The following TMOD2 variants were observed in gnomAD, a reference collection of about 807,000 sequenced individuals.
TMOD2 encodes tropomodulin 2.
In TMOD2, 22 loss-of-function variants were observed where a neutral mutation model predicts 39.9. The ratio of observed to expected loss-of-function variants is 0.55; its 90% CI spans 0.39 to 0.79. The LOEUF (loss-of-function observed/expected upper bound fraction) is 0.79, where lower values mean the gene tolerates loss of function less well. Among genes scored for constraint, TMOD2 ranks in the 30% least tolerant of loss-of-function variants. The probability of loss-of-function intolerance (pLI) is 0.00; values close to 1 mark genes in which losing one functional copy is unlikely to be tolerated. For missense variants in TMOD2, 386 were observed against 413.3 expected (o/e 0.93, Z 0.57); for synonymous variants, 123 against 146.1 (o/e 0.84, Z 1.14).
At chr15:51,799,556 G>A (rs1323199822) in intron 8 of TMOD2, among the ~76,000 whole-genome samples, 3 of 152,156 alleles carry the variant, frequency 2.0e-5, no homozygotes, top group African/African-American at 4.8e-5. Flanking sequence ...TTTTACATTC[G>A]CATCCTGCCA....
At chr15:51,806,633 C>G (rs371452431) in intron 9 of TMOD2, 112 bp downstream of exon 9, 2 of 1,223,158 alleles carry the variant, frequency 1.6e-6, no homozygotes, top group Non-Finnish European at 2.3e-6. Flanking sequence ...TGATGTCACT[C>G]ACTTCTTCAT....
intron 9 of TMOD2, 138 bp from the exon 10 acceptor site, chr15:51,808,282 C>T: frequency 3.4e-6 from 2 of 593,504 alleles, no homozygotes; most frequent in Admixed American, 6.5e-5. Context: ...CATTGATTGT[C>T]ATGGTTAAGT....
intron 7 of TMOD2, among the ~76,000 whole-genome samples, chr15:51,797,503 C>T (rs16964523): frequency 0.035 from 5,342 of 152,264 alleles, 188 homozygotes; most frequent in Admixed American, 0.078. Flanking sequence ...TTCAGCAATT[C>T]CTCAAGATAA....
intron 5 of TMOD2, among the ~76,000 whole-genome samples, chr15:51,780,443 G>T (rs1196867997): frequency 1.3e-5 from 2 of 152,110 alleles, no homozygotes; most frequent in East Asian, 3.9e-4. Context: ...CGTATTATTG[G>T]TTCATTTTTA....
chr15:51,779,298 G>A (rs1005019625), intron 5 of TMOD2, among the ~76,000 whole-genome samples: 2 of 152,064 alleles, frequency 1.3e-5, no homozygotes, highest in Non-Finnish European at 2.9e-5. Flanking sequence ...ACGTTTATAC[G>A]TACACATACA....
intron 4 of TMOD2, among the ~76,000 whole-genome samples, chr15:51,775,778 A>G (rs759227146): frequency 2.0e-5 from 3 of 151,816 alleles, no homozygotes; most frequent in Admixed American, 6.6e-5. Context: ...GGGCTTCGCC[A>G]TGTTGGCCAG....
intron 9 of TMOD2, among the ~76,000 whole-genome samples, chr15:51,807,658 C>T (rs1186947569): frequency 2.0e-5 from 3 of 152,172 alleles, no homozygotes; most frequent in Non-Finnish European, 2.9e-5. Context: ...GGGCAGCCTA[C>T]GTCCAAGAAG....
rs2056180347 is a variant in TMOD2 at position 51,815,084 on chromosome 15, A to T, written c.*6630A>T. ...CAAGACCAGCCTGGCCAACATGGTG[A>T]AACCCCGTCTCTACTAAAAATACAG... On this transcript the variant is annotated 3_prime_UTR_variant, in exon 10 of 10. Coordinates refer to ENST00000249700, the MANE Select transcript of TMOD2 (RefSeq NM_014548.4). 6.6e-6 allele frequency: 1 copy of T among 152,268 alleles called. No individual in the cohort carries two copies. The highest frequency in any genetic ancestry group is 1.5e-5 in the Non-Finnish European group (1 of 68,106). 9.4% of individuals were successfully genotyped at this position (152,268 alleles called of 1,614,324 possible).
intron 3 of TMOD2, among the ~76,000 whole-genome samples, chr15:51,772,274 A>G (rs2055858764): frequency 6.6e-6 from 1 of 152,190 alleles, no homozygotes; most frequent in Admixed American, 6.5e-5. Context: ...GAAGAGAACA[A>G]TTTCAAAGAC....
rs774520833 is a variant in TMOD2, at chr15:51,776,997, G to A, written c.472G>A (p.Gly158Ser). 4 of 1,613,834 alleles carry A rather than the reference G, an allele frequency of 2.5e-6. No individual in the cohort carries two copies. The highest frequency in any genetic ancestry group is 4.5e-5 in the East Asian group (2 of 44,876). Residue 158 changes from glycine (G) to serine (S), a missense_variant, in exon 5 of 10, where the codon GGT becomes AGT. Coordinates refer to ENST00000249700, the MANE Select transcript of TMOD2 (RefSeq NM_014548.4). ...CGATGAAGAAACAGCCAACAATAAAGGTGGCAAAGGACCTGTCAGAAGTAA... is the reference window on the plus strand; with the variant it reads ...CGATGAAGAAACAGCCAACAATAAAAGTGGCAAAGGACCTGTCAGAAGTAA... ...KFDEETANNK[G>S]GKGPVRNVVK...
chr15:51,755,932 G>A lies in TMOD2; in HGVS notation c.-70+4220G>A, dbSNP rs76062051. 6.7e-3 allele frequency among the ~76,000 whole-genome samples: 1,021 copies of A among 152,092 alleles called. 23 individuals carry two copies. The East Asian group carries it at 0.075, about 11-fold the overall frequency. On this transcript the variant is annotated intron_variant, in intron 1 of 9. Transcript: ENST00000249700. Reference sequence around the variant, plus strand: ...AAGCAGGAAACCCGGTGCCAATCAGGAAGTTAGAAGAAGCCCATAAGTTCC... The same window carrying A: ...AAGCAGGAAACCCGGTGCCAATCAGAAAGTTAGAAGAAGCCCATAAGTTCC...
chr15:51,778,607 G>A (rs1168140982), intron 5 of TMOD2, among the ~76,000 whole-genome samples: 2 of 143,106 alleles, frequency 1.4e-5, no homozygotes, highest in Non-Finnish European at 3.0e-5. Flanking sequence ...AGTACAGTGT[G>A]ATCCATGTGC....
At chr15:51,754,060 C>T (rs998713797) in intron 1 of TMOD2, among the ~76,000 whole-genome samples, 11 of 150,880 alleles carry the variant, frequency 7.3e-5, no homozygotes, top group African/African-American at 2.0e-4. Flanking sequence ...GTGGGGGGGA[C>T]GGGGGGTTGG....
chr15:51,777,112 C>G (rs2055895057), intron 5 of TMOD2, 94 bp downstream of exon 5: 9 of 1,032,696 alleles, frequency 8.7e-6, no homozygotes, highest in Non-Finnish European at 1.2e-5. Context: ...AGGCTTTACA[C>G]TCTGTCATTT....
chr15:51,804,448 T>A (rs1157092171), intron 8 of TMOD2, among the ~76,000 whole-genome samples: 1 of 152,240 alleles, frequency 6.6e-6, no homozygotes, highest in Non-Finnish European at 1.5e-5. Context: ...GAACACTACA[T>A]ACTGCATGCC....
At chr15:51,776,787 A>G (rs1269491087) in intron 4 of TMOD2, 145 bp from the exon 5 acceptor site, 3 of 631,086 alleles carry the variant, frequency 4.8e-6, no homozygotes, top group Admixed American at 4.9e-5. Context: ...TTAACGCTAT[A>G]CATGTACCAC....
Position 51,768,251 on chromosome 15 carries a change from T to C in TMOD2, c.127-11T>C. 6.2e-7 allele frequency: 1 copy of C among 1,614,032 alleles called. No homozygotes were observed. The highest frequency in any genetic ancestry group is 8.5e-7 in the Non-Finnish European group (1 of 1,179,916). On this transcript the variant is annotated splice_polypyrimidine_tract_variant and intron_variant, in intron 2 of 9. Coordinates refer to ENST00000249700, the MANE Select transcript of TMOD2 (RefSeq NM_014548.4). ...ACATCTTCCTTCCTGCTCACACCTC[T>C]TTCTTGTCAGAGTGCCATGCTGCCA...
rs545707024 is a variant in TMOD2 at position 51,814,287 on chromosome 15, C to T, written c.*5833C>T. 1 of 152,322 alleles carries T rather than the reference C, an allele frequency of 6.6e-6. No individual in the cohort carries two copies. The highest frequency in any genetic ancestry group is 2.4e-5 in the African/African-American group (1 of 41,516). 9.4% of individuals were successfully genotyped at this position (152,322 alleles called of 1,614,324 possible). On this transcript the variant is annotated 3_prime_UTR_variant, in exon 10 of 10. Coordinates refer to ENST00000249700, the MANE Select transcript of TMOD2 (RefSeq NM_014548.4). Reference sequence around the variant, plus strand: ...CTTAGGGTTTCAAGAATTTTAATGCCTAGCAGCTGAGTAACAGGCATTAGT... The same window carrying T: ...CTTAGGGTTTCAAGAATTTTAATGCTTAGCAGCTGAGTAACAGGCATTAGT...
At position 51,768,351 on chromosome 15, in the gene TMOD2, C is replaced by G; in HGVS notation, c.216C>G (p.Tyr72Ter). 6.2e-7 allele frequency: 1 copy of G among 1,614,126 alleles called. No homozygotes were observed. The highest frequency in any genetic ancestry group is 1.1e-5 in the South Asian group (1 of 91,086). Residue 72 changes from tyrosine to a stop codon, truncating the protein, a stop_gained, in exon 3 of 10, where the codon TAC becomes TAG. Transcript: ENST00000249700. LOFTEE classifies it high-confidence loss of function. Reference sequence around the variant, plus strand: ...TTGACCGCGAGCACCTCCTCATGTACCTGGAGAAGGAGGCTTTGGAACAGA... The same window carrying G: ...TTGACCGCGAGCACCTCCTCATGTAGCTGGAGAAGGAGGCTTTGGAACAGA... ...GPFDREHLLMYLEKEALEQKD... is the reference protein window; with the variant it reads ...GPFDREHLLM
Sources: allele counts gnomAD v4.1 joint callset (sites outside exome capture counted in the v4.1 genomes callset), GRCh38; gene constraint gnomAD v4.1.1; transcripts MANE v1.5; gene names NCBI Gene and HGNC (gene_info 2026-07-23, HGNC 2026-07-21).